The following UMOD variants were observed in gnomAD, a reference collection of about 807,000 sequenced individuals.
UMOD encodes uromodulin.
Under a neutral mutation model 66.0 loss-of-function variants are expected in UMOD, and 64 were observed. The ratio of observed to expected loss-of-function variants is 0.97; its 90% CI spans 0.79 to 1.19. UMOD has a LOEUF of 1.19. Among genes scored for constraint, UMOD ranks in the 50% most tolerant of loss-of-function variants. The pLI is 0.00. For missense variants in UMOD, 764 were observed against 850.9 expected, an observed-to-expected ratio of 0.90 and a Z score of 1.27; for synonymous variants, 398 against 352.7, an observed-to-expected ratio of 1.13 and a Z score of -1.44.
intron 7 of UMOD, among the ~76,000 whole-genome samples, chr16:20,339,844 A>G (rs1365784497): frequency 6.6e-6 from 1 of 152,214 alleles, no homozygotes; most frequent in Non-Finnish European, 1.5e-5. Context: ...ACAGAGCCCG[A>G]CACACAGCAA....
intron 1 of UMOD, among the ~76,000 whole-genome samples, chr16:20,352,162 C>G (rs947658398): frequency 1.3e-5 from 2 of 152,084 alleles, no homozygotes; most frequent in African/African-American, 2.4e-5. Flanking sequence ...ATTCTTACCA[C>G]AACCCTATGA....
intron 10 of UMOD, 83 bp downstream of exon 10, chr16:20,335,399 T>A (rs1487766114): frequency 7.1e-7 from 1 of 1,408,020 alleles, no homozygotes; most frequent in Non-Finnish European, 1.0e-6. Flanking sequence ...ATAGAGTTGC[T>A]ATGAAGCATT....
chr16:20,337,635 A>T (rs1213657116), intron 7 of UMOD, among the ~76,000 whole-genome samples, 182 bp from the exon 8 acceptor site: 4 of 152,190 alleles, frequency 2.6e-5, no homozygotes, highest in Non-Finnish European at 5.9e-5. Context: ...ATGTGATAAG[A>T]TAGCTGTAAG....
At chr16:20,341,705 CA>C (rs35830321) in intron 6 of UMOD, among the ~76,000 whole-genome samples, 2 of 151,894 alleles carry the variant, frequency 1.3e-5, no homozygotes, top group Non-Finnish European at 2.9e-5. Flanking sequence ...TTCAAGATGG[CA>C]AAAAAACAAA....
chr16:20,339,573 T>C (rs867737218), intron 7 of UMOD, among the ~76,000 whole-genome samples: 3 of 152,236 alleles, frequency 2.0e-5, no homozygotes, highest in African/African-American at 7.2e-5. Flanking sequence ...CAAAGACGTG[T>C]GAACATCACA....
At position 20,349,765 on chromosome 16, in the gene UMOD, T is replaced by TTCTGCCGGA. The variant is rs66507639; in HGVS notation, c.89-554_89-553insTCCGGCAGA. 32 of 1,547,316 alleles carry TTCTGCCGGA rather than the reference T, an allele frequency of 2.1e-5. No individual in the cohort carries two copies. In the African/African-American group the frequency reaches 4.1e-4, roughly 20 times the overall value. ...TCCCTTTCTTTGCACATTTTATGTTTTCTGCTTCCCTGGCTGGTGAAATCT... is the reference window on the plus strand; with the variant it reads ...TCCCTTTCTTTGCACATTTTATGTTTTCTGCCGGATCTGCTTCCCTGGCTGGTGAAATCT... On this transcript the variant is annotated intron_variant, in intron 2 of 10. Transcript: ENST00000396138.
intron 6 of UMOD, 100 bp from the exon 7 acceptor site, chr16:20,341,436 T>C: frequency 6.3e-7 from 1 of 1,579,050 alleles, no homozygotes; most frequent in South Asian, 1.1e-5. Flanking sequence ...TTGCAGTTAT[T>C]TGCATTTTTA....
In UMOD at chr16:20,348,961, C is replaced by T. The variant is rs1356421597; in HGVS notation, c.340G>A (p.Glu114Lys). The T allele has an allele frequency of 1.3e-6, 2 of 1,573,104 alleles. No individual in the cohort carries two copies. The highest frequency in any genetic ancestry group is 3.7e-5 in the Admixed American group (2 of 54,204). The change falls in exon 3 of 11, where the codon GAG becomes AAG. Residue 114 changes from glutamate (E) to lysine (K), a missense_variant. Coordinates refer to ENST00000396138, the MANE Select transcript of UMOD (RefSeq NM_003361.4). ...LGCTDVDECA[E>K]PGLSHCHALA... ...GCGTGGCAGTGGCTAAGCCCAGGCT[C>T]AGCGCACTCATCCACGTCTGTGCAG... is the stretch of plus-strand genomic sequence containing the variant.
chr16:20,335,574 G>A, intron 9 of UMOD, 54 bp from the exon 10 acceptor site: 1 of 1,572,390 alleles, frequency 6.4e-7, no homozygotes, highest in Non-Finnish European at 8.8e-7. Context: ...GATTTGGCAA[G>A]CATCCTGACA....
In UMOD at chr16:20,333,240, C is replaced by T; in HGVS notation, c.*74G>A. On this transcript the variant is annotated 3_prime_UTR_variant, in exon 11 of 11. Transcript: ENST00000396138. ...AACTTTCTTTTCTGTGGCTGGAGCA[C>T]TGGCCCGCATCATGCCCCCTGCCCA... The T allele has an allele frequency of 6.9e-7, 1 of 1,451,534 alleles. No individual in the cohort carries two copies. The highest frequency in any genetic ancestry group is 9.6e-7 in the Non-Finnish European group (1 of 1,044,566). The allele number at this position is 1,451,534 out of a possible 1,614,324, so 89.9% of individuals were successfully genotyped here.
intron 5 of UMOD, among the ~76,000 whole-genome samples, chr16:20,344,877 C>T (rs897690399): frequency 6.6e-6 from 1 of 152,212 alleles, no homozygotes; most frequent in Non-Finnish European, 1.5e-5. Context: ...AGGGATTGCC[C>T]ACAATATGTG....
chr16:20,345,851 A>G lies in UMOD; in HGVS notation c.1182+275T>C, dbSNP rs111765416. On this transcript the variant is annotated intron_variant, in intron 5 of 10. Transcript: ENST00000396138. ...ACTTTTCCCATCTGTAAAATGGAGA[A>G]CTATCACCATGAATTGCTTTCTTTA... Among the ~76,000 whole-genome samples, 1,165 of 152,258 alleles carry G rather than the reference A, an allele frequency of 7.7e-3. 16 individuals carry two copies. The highest frequency in any genetic ancestry group is 0.025 in the African/African-American group (1,041 of 41,546).
At chr16:20,347,669 A>T (rs1478452755) in intron 4 of UMOD, among the ~76,000 whole-genome samples, 5 of 152,254 alleles carry the variant, frequency 3.3e-5, no homozygotes, top group Non-Finnish European at 7.3e-5. Flanking sequence ...CACAGGTAAC[A>T]CTTGGATAAA....
chr16:20,355,899 C>G (rs1596572452), upstream of UMOD, among the ~76,000 whole-genome samples: 1 of 152,124 alleles, frequency 6.6e-6, no homozygotes, highest in Non-Finnish European at 1.5e-5. Flanking sequence ...GTAACTCCCC[C>G]AAGATTACAC....
rs536996703 is a variant in UMOD, at chr16:20,344,070, G to T, written c.1285C>A (p.Leu429Met). The change falls in exon 6 of 11, where the codon CTG (leucine) becomes ATG (methionine). Residue 429 changes from leucine (L) to methionine (M), a missense_variant. Physicochemically the swap from Leu to Met is conservative, Grantham distance 15. Transcript: ENST00000396138. ...IKINFACSYPLDMKVSLKTAL... is the reference protein window; with the variant it reads ...IKINFACSYPMDMKVSLKTAL... ...GTCTTCAGGCTGACTTTCATGTCCA[G>T]GGGGTAGGAGCATGCAAAGTTGATT... The T allele has an allele frequency of 6.2e-7, 1 of 1,614,012 alleles. No homozygotes were observed.
rs775514445 is a variant in UMOD, at chr16:20,348,284, C to G, written c.912G>C (p.Glu304Asp). 1.1e-5 allele frequency: 18 copies of G among 1,614,108 alleles called. No individual in the cohort carries two copies. Among genetic ancestry groups the G allele is most frequent in the Admixed American group, 3.3e-5 (2 of 60,012 alleles). Residue 304 changes from glutamate (E) to aspartate (D), a missense_variant, in exon 4 of 11, where the codon GAG (glutamate) becomes GAC (aspartate). By Grantham distance (45) the Glu-to-Asp change is conservative. Transcript: ENST00000396138. ...EGTCEECSID[E>D]DCKSNNGRWH... Reference sequence around the variant, plus strand: ...ATCTGCCATTATTCGATTTGCAGTCCTCGTCTATACTGCACTCCTCACACG... The same window carrying G: ...ATCTGCCATTATTCGATTTGCAGTCGTCGTCTATACTGCACTCCTCACACG...
At chr16:20,336,878 C>T (rs779853027) in intron 8 of UMOD, 151 bp from the exon 9 acceptor site, 9 of 679,824 alleles carry the variant, frequency 1.3e-5, no homozygotes, top group Non-Finnish European at 2.3e-5. Context: ...CGTGCAGGTC[C>T]CAGCTCTGCC....
intron 10 of UMOD, among the ~76,000 whole-genome samples, chr16:20,334,771 T>C (rs1226860884): frequency 6.6e-6 from 1 of 151,690 alleles, no homozygotes; most frequent in Non-Finnish European, 1.5e-5. Flanking sequence ...TTATTTGTTG[T>C]GTTTACCCCA....
At position 20,349,005 on chromosome 16, in the gene UMOD, C is replaced by A. The variant is rs1379259057; in HGVS notation, c.296G>T (p.Arg99Leu). The A allele has an allele frequency of 8.9e-6, 14 of 1,581,268 alleles. No individual in the cohort carries two copies. The highest frequency in any genetic ancestry group is 1.2e-5 in the South Asian group (1 of 86,888). ...SFSCVCPEGF[R>L]LSPGLGCTDV... ...TGTGCAGCCGAGACCGGGCGACAGG[C>A]GGAAGCCTTCGGGGCAGACGCAGGA... Residue 99 changes from arginine to leucine, a missense_variant, in exon 3 of 11, where the codon CGC becomes CTC. Coordinates refer to ENST00000396138, the MANE Select transcript of UMOD (RefSeq NM_003361.4).
Sources: gnomAD v4.1 joint callset for allele counts (sites outside exome capture counted in the v4.1 genomes callset) on GRCh38, gnomAD v4.1.1 for gene constraint, MANE v1.5 for transcripts, NCBI Gene and HGNC (gene_info 2026-07-23, HGNC 2026-07-21) for gene names.